Variants in COL24A1 observed in about 807,000 individuals in gnomAD.
The protein encoded by COL24A1 is collagen alpha-1(XXIV) chain.
Under a neutral mutation model 253.9 loss-of-function variants are expected in COL24A1, and 224 were observed. The observed-to-expected ratio is 0.88, with a 90% CI of 0.79 to 0.99. The LOEUF is 0.99. Ranked by LOEUF, COL24A1 falls within the 50% of genes least tolerant of loss-of-function variation. The probability of loss-of-function intolerance (pLI) is 0.00; values close to 1 mark genes in which losing one functional copy is unlikely to be tolerated. For missense variants in COL24A1, 2,131 were observed against 2,068.5 expected (o/e 1.03, Z -0.59); for synonymous variants, 685 against 673.7 (o/e 1.02, Z -0.26).
intron 42 of COL24A1, 29 bp downstream of exon 42, chr1:85,841,193 A>C (rs1482589997): frequency 6.5e-7 from 1 of 1,529,828 alleles, no homozygotes; most frequent in Non-Finnish European, 8.9e-7. Context: ...TATCTTGAAT[A>C]ACCAGAATTA....
chr1:85,928,995 C>T (rs1320069270), intron 24 of COL24A1, among the ~76,000 whole-genome samples: 4 of 19,812 alleles, frequency 2.0e-4, no homozygotes, highest in African/African-American at 9.7e-4. Context: ...AATGTAAAGA[C>T]CATCGAGACT....
intron 35 of COL24A1, among the ~76,000 whole-genome samples, chr1:85,871,096 A>C (rs1365369627): frequency 6.6e-6 from 1 of 152,370 alleles, no homozygotes; most frequent in East Asian, 1.9e-4. Flanking sequence ...TAGAAAATCT[A>C]GAAGAAATTG....
intron 19 of COL24A1, among the ~76,000 whole-genome samples, chr1:85,995,730 G>A (rs1434103412): frequency 6.6e-6 from 1 of 152,148 alleles, no homozygotes; most frequent in Non-Finnish European, 1.5e-5. Context: ...CCTGGTGGGA[G>A]GTGACTGAAT....
At chr1:85,865,241 T>C (rs978485136) in intron 37 of COL24A1, among the ~76,000 whole-genome samples, 1 of 152,200 alleles carries the variant, frequency 6.6e-6, no homozygotes, top group Non-Finnish European at 1.5e-5. Context: ...TTTGTGACAC[T>C]GTCTAAGGAA....
At chr1:86,003,041 T>C (rs1698742) in intron 19 of COL24A1, among the ~76,000 whole-genome samples, 27,656 of 152,094 alleles carry the variant, frequency 0.18, 3,202 homozygotes, top group African/African-American at 0.32. Flanking sequence ...AGAAGACCCT[T>C]TAGTATTGGA....
At chr1:85,972,383 A>T (rs991652399) in intron 20 of COL24A1, among the ~76,000 whole-genome samples, 8 of 151,348 alleles carry the variant, frequency 5.3e-5, no homozygotes, top group Admixed American at 4.6e-4. Flanking sequence ...TTAACACAAT[A>T]AAAAAAAACT....
chr1:86,105,711 G>A lies in COL24A1; in HGVS notation c.1599+6856C>T, dbSNP rs541248382. Among the ~76,000 whole-genome samples, 3 of 152,276 alleles carry A rather than the reference G, an allele frequency of 2.0e-5. No homozygotes were observed. In the East Asian group the frequency reaches 5.8e-4, roughly 29 times the overall value. On this transcript the variant is annotated intron_variant, in intron 5 of 59. Coordinates refer to ENST00000370571, the MANE Select transcript of COL24A1 (RefSeq NM_152890.7). ...CCTTTGGGCTCCACACTGGCTGAGTGCTGCTCCTACCACTTATCTAAGCCG... is the reference window on the plus strand; with the variant it reads ...CCTTTGGGCTCCACACTGGCTGAGTACTGCTCCTACCACTTATCTAAGCCG...
chr1:85,788,928 T>C (rs1669988235), intron 47 of COL24A1, among the ~76,000 whole-genome samples: 1 of 152,160 alleles, frequency 6.6e-6, no homozygotes, highest in Non-Finnish European at 1.5e-5. Flanking sequence ...ATGTGTCTGT[T>C]TTTGTATCAG....
At chr1:86,055,657 A>G (rs1700611021) in intron 10 of COL24A1, among the ~76,000 whole-genome samples, 1 of 152,218 alleles carries the variant, frequency 6.6e-6, no homozygotes, top group Non-Finnish European at 1.5e-5. Context: ...TAGAATCTAT[A>G]TAGTAAATAC....
rs180974855 is a variant in COL24A1 at position 86,069,798 on chromosome 1, G to A, written c.1708-6039C>T. Among the ~76,000 whole-genome samples the A allele has an allele frequency of 2.5e-3, 386 of 152,290 alleles. 1 individual carries two copies. The highest frequency in any genetic ancestry group is 4.9e-3 in the Non-Finnish European group (330 of 68,018). ...GCAGTACCTCTACAAAAACCACAGCGATATTGGGCTTGGGGCCCAAGTCCC... is the reference window on the plus strand; with the variant it reads ...GCAGTACCTCTACAAAAACCACAGCAATATTGGGCTTGGGGCCCAAGTCCC... On this transcript the variant is annotated intron_variant, in intron 7 of 59. Coordinates refer to ENST00000370571, the MANE Select transcript of COL24A1 (RefSeq NM_152890.7).
intron 57 of COL24A1, among the ~76,000 whole-genome samples, chr1:85,737,966 G>A (rs1438112202): frequency 6.6e-6 from 1 of 152,118 alleles, no homozygotes; most frequent in African/African-American, 2.4e-5. Context: ...ATGAATGAAT[G>A]CTGCATTATG....
At position 85,730,214 on chromosome 1, in the gene COL24A1, C is replaced by T. The variant is rs1047776363; in HGVS notation, c.*332G>A. 5.5e-6 allele frequency: 1 copy of T among 180,794 alleles called. No homozygotes were observed. Among genetic ancestry groups the T allele is most frequent in the African/African-American group, 2.4e-5 (1 of 42,118 alleles). The allele number at this position is 180,794 out of a possible 1,614,324, so 11.2% of individuals were successfully genotyped here. On this transcript the variant is annotated 3_prime_UTR_variant, in exon 60 of 60. Coordinates refer to ENST00000370571, the MANE Select transcript of COL24A1 (RefSeq NM_152890.7). ...GCCAGTATTGCTCCATAGTGCTCTG[C>T]ATCTCCAGCTGTCTAATGGGTACTA...
At chr1:86,062,009 C>T (rs980803400) in intron 8 of COL24A1, among the ~76,000 whole-genome samples, 8 of 152,088 alleles carry the variant, frequency 5.3e-5, no homozygotes, top group African/African-American at 1.9e-4. Context: ...AATAGAATAA[C>T]AGCACTCATT....
chr1:86,106,334 G>C (rs1281762382), intron 5 of COL24A1, among the ~76,000 whole-genome samples: 1 of 151,788 alleles, frequency 6.6e-6, no homozygotes, highest in Non-Finnish European at 1.5e-5. Context: ...TATTATTAAT[G>C]AAACATTGTT....
intron 18 of COL24A1, among the ~76,000 whole-genome samples, chr1:86,019,573 T>G (rs959731432): frequency 1.2e-4 from 18 of 150,030 alleles, no homozygotes; most frequent in Non-Finnish European, 1.5e-5. Context: ...ATTTTTTTTT[T>G]AATTAAAACA....
chr1:86,019,705 CA>C (rs146751259), intron 18 of COL24A1, among the ~76,000 whole-genome samples: 2,803 of 151,798 alleles, frequency 0.018, 82 homozygotes, highest in African/African-American at 0.056. Context: ...TTTGATAAAA[CA>C]AATAAAAAAA....
chr1:85,816,748 C>T, intron 47 of COL24A1, 40 bp downstream of exon 47: 2 of 1,512,946 alleles, frequency 1.3e-6, no homozygotes, highest in Non-Finnish European at 9.2e-7. Flanking sequence ...GAGACACATG[C>T]ATAGGAAATA....
Position 86,125,491 on chromosome 1 carries a change from T to G in COL24A1, c.845A>C (p.Asp282Ala). The part of the protein sequence containing the change: ...KLFAEKVLSE[D>A]TFTEGKSIPN... ...AATGCTTTTGCCTTCAGTAAATGTA[T>G]CCTCTGACAGTACTTTTTCAGCAAA... The change falls in exon 3 of 60, where the codon GAT (aspartate) becomes GCT (alanine). Residue 282 changes from aspartate (D) to alanine (A), a missense_variant. Transcript: ENST00000370571. 1 of 1,613,670 alleles carries G rather than the reference T, an allele frequency of 6.2e-7. No homozygotes were observed. Among genetic ancestry groups the G allele is most frequent in the Non-Finnish European group, 8.5e-7 (1 of 1,179,794 alleles).
intron 19 of COL24A1, among the ~76,000 whole-genome samples, chr1:85,993,436 AGC>A (rs1694482047): frequency 8.5e-6 from 1 of 117,732 alleles, no homozygotes. Flanking sequence ...AAGTGAAAGA[AGC>A]CAGACAAAAA....
Sources: gnomAD v4.1 joint callset for allele counts (sites outside exome capture counted in the v4.1 genomes callset) on GRCh38, gnomAD v4.1.1 for gene constraint, MANE v1.5 for transcripts, NCBI Gene and HGNC (gene_info 2026-07-23, HGNC 2026-07-21) for gene names.